Variants in CUX1 observed in about 807,000 individuals in gnomAD.
CUX1 encodes the protein cut like homeobox 1.
Under a neutral mutation model 158.8 loss-of-function variants are expected in CUX1, and 31 were observed. The ratio of observed to expected loss-of-function variants is 0.20; its 90% CI spans 0.15 to 0.26. CUX1 has a LOEUF of 0.26. Ranked by LOEUF, CUX1 falls within the 10% of genes least tolerant of loss-of-function variation. The probability of loss-of-function intolerance (pLI) is 1.00; values close to 1 mark genes in which losing one functional copy is unlikely to be tolerated. For synonymous variants in CUX1, 879 were observed against 862.1 expected, an observed-to-expected ratio of 1.02 and a Z score of -0.34; for missense variants, 1,589 against 2,014.6, an observed-to-expected ratio of 0.79 and a Z score of 4.04.
chr7:102,279,761 A>G (rs1791913483), intron 18 of CUX1, among the ~76,000 whole-genome samples: 1 of 152,160 alleles, frequency 6.6e-6, no homozygotes, highest in Admixed American at 6.5e-5. Flanking sequence ...ACCTTCCTGC[A>G]GCTGCGCCCG....
chr7:101,993,854 G>A (rs1294812049), intron 2 of CUX1, among the ~76,000 whole-genome samples: 2 of 152,060 alleles, frequency 1.3e-5, no homozygotes, highest in South Asian at 2.1e-4. Context: ...CTTTTCCCTG[G>A]CATCCTGGAC....
chr7:102,029,079 G>A (rs537717146), intron 3 of CUX1, among the ~76,000 whole-genome samples: 5 of 143,102 alleles, frequency 3.5e-5, no homozygotes, highest in East Asian at 4.4e-4. Flanking sequence ...TGCAACCTCC[G>A]TCTCCCAGGT....
chr7:102,111,580 C>T (rs370070773), intron 6 of CUX1, 118 bp from the exon 7 acceptor site: 2 of 871,122 alleles, frequency 2.3e-6, no homozygotes, highest in Non-Finnish European at 1.9e-6. Flanking sequence ...GGCGATACCC[C>T]GTGGTGCGCC....
At chr7:101,989,000 A>AT (rs1188740039) in intron 2 of CUX1, among the ~76,000 whole-genome samples, 2,427 of 147,266 alleles carry the variant, frequency 0.016, 23 homozygotes, top group African/African-American at 0.03. Flanking sequence ...TCTCAAAAAA[A>AT]AAATAATAAT....
chr7:102,088,222 T>C (rs201434), intron 4 of CUX1, among the ~76,000 whole-genome samples: 1 of 152,156 alleles, frequency 6.6e-6, no homozygotes, highest in Non-Finnish European at 1.5e-5. Context: ...GGTTTCAAAC[T>C]CCTGACCTCA....
intron 11 of CUX1, among the ~76,000 whole-genome samples, chr7:102,180,919 GTA>G (rs1793000399): frequency 1.9e-5 from 1 of 51,540 alleles, no homozygotes; most frequent in African/African-American, 1.5e-4. Context: ...TTATTTTATT[GTA>G]TTTTATTTTA....
At chr7:101,866,174 A>G (rs977526475) in intron 1 of CUX1, among the ~76,000 whole-genome samples, 1 of 151,990 alleles carries the variant, frequency 6.6e-6, no homozygotes, top group African/African-American at 2.4e-5. Context: ...AAAAAAATAA[A>G]AATTAGGCTG....
chr7:101,825,784 TGTGTGTGTGTGTGTGCGC>T (rs1482765885), intron 1 of CUX1, among the ~76,000 whole-genome samples: 75 of 101,426 alleles, frequency 7.4e-4, no homozygotes, highest in East Asian at 5.8e-3. Context: ...TGTGTGTGTG[TGTGTGTGTGTGTGTGCGC>T]GCGCGCGCGC....
chr7:102,012,723 C>T (rs1191492582), intron 2 of CUX1, among the ~76,000 whole-genome samples: 5 of 151,534 alleles, frequency 3.3e-5, no homozygotes, highest in East Asian at 1.9e-4. Context: ...GGGGGTTGTC[C>T]GTCTTTGTAT....
chr7:101,945,764 AGCC>A (rs1279644011), intron 2 of CUX1, among the ~76,000 whole-genome samples: 6 of 152,196 alleles, frequency 3.9e-5, no homozygotes, highest in African/African-American at 1.4e-4. Flanking sequence ...AGGTTCAGGG[AGCC>A]AGACGTGTCT....
At chr7:101,819,363 G>A (rs1467240159) in intron 1 of CUX1, among the ~76,000 whole-genome samples, 1 of 152,190 alleles carries the variant, frequency 6.6e-6, no homozygotes, top group Non-Finnish European at 1.5e-5. Flanking sequence ...TCTTTGGGAC[G>A]GGGCCCGCCA....
At chr7:102,259,710 G>T (rs1446839859), downstream of CUX1, among the ~76,000 whole-genome samples, 1 of 145,008 alleles carries the variant, frequency 6.9e-6, no homozygotes, top group Admixed American at 7.2e-5. Flanking sequence ...TGTATTTCAT[G>T]ATCTGCTAAC....
chr7:101,829,363 T>C (rs1401748830), intron 1 of CUX1, among the ~76,000 whole-genome samples: 1 of 151,926 alleles, frequency 6.6e-6, no homozygotes, highest in Admixed American at 6.6e-5. Flanking sequence ...TTTTGTGCAC[T>C]AACAGTAATG....
chr7:102,234,896 C>T (rs1799385490), intron 22 of CUX1, among the ~76,000 whole-genome samples: 1 of 152,022 alleles, frequency 6.6e-6, no homozygotes, highest in Non-Finnish European at 1.5e-5. Flanking sequence ...GCACTCCAGC[C>T]TGGGTGACAG....
chr7:102,158,764 T>G (rs770221916), intron 9 of CUX1, among the ~76,000 whole-genome samples, 156 bp downstream of exon 9: 1 of 152,182 alleles, frequency 6.6e-6, no homozygotes, highest in Non-Finnish European at 1.5e-5. Context: ...TCATGAGAAG[T>G]AGGAAAAGAC....
intron 6 of CUX1, among the ~76,000 whole-genome samples, chr7:102,110,354 C>CCGT (rs2131058827): frequency 6.6e-6 from 1 of 150,502 alleles, no homozygotes; most frequent in African/African-American, 2.5e-5. Flanking sequence ...TCATATTAAG[C>CCGT]CGTAGTATAT....
chr7:102,159,558 C>G (rs961532506), intron 9 of CUX1, among the ~76,000 whole-genome samples: 2 of 152,212 alleles, frequency 1.3e-5, no homozygotes. Flanking sequence ...TGCTGTTGCT[C>G]TGAAAAGAAA....
intron 3 of CUX1, among the ~76,000 whole-genome samples, chr7:102,030,307 C>T (rs540191265): frequency 6.2e-4 from 94 of 152,196 alleles, no homozygotes; most frequent in African/African-American, 2.2e-3. Flanking sequence ...CCACTGCGCC[C>T]GGCCCACCTA....
intron 1 of CUX1, among the ~76,000 whole-genome samples, chr7:101,825,825 G>GGGCTGCTTATTGTGTGTGA (rs1306636193): frequency 6.7e-6 from 1 of 149,662 alleles, no homozygotes; most frequent in Non-Finnish European, 1.5e-5. Flanking sequence ...TTAGTCTTCG[G>GGGCTGCTTATTGTGTGTGA]GGCTGCTTAT....
Sources: allele counts gnomAD v4.1 joint callset (sites outside exome capture counted in the v4.1 genomes callset), GRCh38; gene constraint gnomAD v4.1.1; transcripts MANE v1.5; gene names NCBI Gene and HGNC (gene_info 2026-07-23, HGNC 2026-07-21).